The following LETM1 variants were observed in gnomAD, a reference collection of about 807,000 sequenced individuals.
LETM1 encodes the protein leucine zipper and EF-hand containing transmembrane protein 1, also known as mitochondrial proton/calcium exchanger protein.
LETM1 carries 50 observed loss-of-function variants against 74.5 expected under a neutral mutation model. That is an observed-to-expected ratio of 0.67 (90% CI 0.53 to 0.85). The LOEUF (loss-of-function observed/expected upper bound fraction) is 0.85, where lower values mean the gene tolerates loss of function less well. Among genes scored for constraint, LETM1 ranks in the 40% least tolerant of loss-of-function variants. The pLI is 0.00. For missense variants in LETM1, 824 were observed against 967.8 expected, an observed-to-expected ratio of 0.85 and a Z score of 1.97; for synonymous variants, 446 against 407.1, an observed-to-expected ratio of 1.10 and a Z score of -1.15.
In LETM1 at chr4:1,841,710, G is replaced by A. The variant is rs907017607; in HGVS notation, c.231C>T (p.Pro77=). ...CTCTCGACACTATGCGAAGGCACTC[G>A]GGCCTCAGAGCCCAACAGCCGAGGT... ...GDHLGCWALR[P]ECLRIVSRAP... is the part of the protein sequence containing the mutation. Residue 77 remains proline, a synonymous_variant, in exon 3 of 14, where the codon CCC becomes CCT. Coordinates refer to ENST00000302787, the MANE Select transcript of LETM1 (RefSeq NM_012318.3). 6.2e-6 allele frequency: 10 copies of A among 1,614,190 alleles called. No homozygotes were observed. Among genetic ancestry groups the A allele is most frequent in the South Asian group, 2.2e-5 (2 of 91,088 alleles).
chr4:1,849,263 A>G (rs1712988420), intron 1 of LETM1, 54 bp from the exon 2 acceptor site: 1 of 1,307,866 alleles, frequency 7.6e-7, no homozygotes, highest in Non-Finnish European at 1.1e-6. Context: ...ATTTATACTG[A>G]TACCTTTTTT....
Position 1,855,864 on chromosome 4 carries a change from C to A in LETM1, c.82+5G>T. On this transcript the variant is annotated splice_donor_5th_base_variant and intron_variant, in intron 1 of 13. Coordinates refer to ENST00000302787, the MANE Select transcript of LETM1 (RefSeq NM_012318.3). Reference sequence around the variant, plus strand: ...CGGCCCCGCCCTGGGGTGCCCGCCGCTTACCCCGCGGGACGGTGTACCGAG... The same window carrying A: ...CGGCCCCGCCCTGGGGTGCCCGCCGATTACCCCGCGGGACGGTGTACCGAG... 2.4e-6 allele frequency: 3 copies of A among 1,230,032 alleles called. No homozygotes were observed. The highest frequency in any genetic ancestry group is 3.0e-6 in the Non-Finnish European group (3 of 988,026). The allele number at this position is 1,230,032 out of a possible 1,614,324, so 76.2% of individuals were successfully genotyped here.
At chr4:1,845,194 A>AC (rs1234038298) in intron 2 of LETM1, among the ~76,000 whole-genome samples, 1 of 151,834 alleles carries the variant, frequency 6.6e-6, no homozygotes, top group South Asian at 2.1e-4. Flanking sequence ...TGTCCCCCGC[A>AC]CCCCCCGAAA....
intron 3 of LETM1, among the ~76,000 whole-genome samples, chr4:1,840,102 G>C (rs1183545901): frequency 6.6e-6 from 1 of 152,242 alleles, no homozygotes; most frequent in East Asian, 1.9e-4. Context: ...AGGGGGCCAG[G>C]CACAGTGGCC....
intron 1 of LETM1, among the ~76,000 whole-genome samples, chr4:1,855,317 C>T (rs1203856642): frequency 1.3e-5 from 2 of 152,390 alleles, no homozygotes; most frequent in African/African-American, 4.8e-5. Flanking sequence ...GGGCTAAAGC[C>T]ACGCACCCTG....
At chr4:1,821,599 A>G (rs1321325436) in intron 10 of LETM1, among the ~76,000 whole-genome samples, 1 of 152,068 alleles carries the variant, frequency 6.6e-6, no homozygotes, top group African/African-American at 2.4e-5. Context: ...GAGGCAGAAG[A>G]GTTGCTTGAA....
At chr4:1,816,943 TTTGTC>T in intron 11 of LETM1, 29 bp from the exon 12 acceptor site, 1 of 1,596,518 alleles carries the variant, frequency 6.3e-7, no homozygotes, top group South Asian at 1.1e-5. Flanking sequence ...TTGTAAAAAG[TTTGTC>T]TTAAAAGAAA....
chr4:1,828,816 C>G (rs1302147267), intron 6 of LETM1, among the ~76,000 whole-genome samples: 1 of 84,976 alleles, frequency 1.2e-5, no homozygotes, highest in Non-Finnish European at 2.5e-5. Context: ...GGGGGGCTGA[C>G]CCCCCCCACC....
At chr4:1,827,032 T>C (rs1420332435) in intron 6 of LETM1, among the ~76,000 whole-genome samples, 1 of 152,192 alleles carries the variant, frequency 6.6e-6, no homozygotes, top group Non-Finnish European at 1.5e-5. Context: ...CCCCGCTCAC[T>C]GCAGAAGGCG....
chr4:1,816,863 C>G lies in LETM1; in HGVS notation c.1795G>C (p.Val599Leu). ...ELSKTGEEKYVEESKASKRLT... is the reference protein window; with the variant it reads ...ELSKTGEEKYLEESKASKRLT... ...CTCTTGCTGGCTTTAGATTCTTCCA[C>G]GTACTTTTCTTCACCAGTCTTTGAA... The change falls in exon 12 of 14, where the codon GTG becomes CTG. Residue 599 changes from valine to leucine, a missense_variant. Physicochemically the swap from Val to Leu is conservative, Grantham distance 32. This residue lies in a region of LETM1 where 161 missense variants were observed against 252.7 expected (regional missense o/e 0.64). Coordinates refer to ENST00000302787, the MANE Select transcript of LETM1 (RefSeq NM_012318.3). 6.2e-7 allele frequency: 1 copy of G among 1,613,952 alleles called. No individual in the cohort carries two copies. Among genetic ancestry groups the G allele is most frequent in the Non-Finnish European group, 8.5e-7 (1 of 1,179,812 alleles).
rs1712463493 is a variant in LETM1 at position 1,836,396 on chromosome 4, T to C, written c.738+33A>G. On this transcript the variant is annotated intron_variant, in intron 4 of 13. Coordinates refer to ENST00000302787, the MANE Select transcript of LETM1 (RefSeq NM_012318.3). The surrounding 1 kb of genome is among the most constrained non-coding windows in gnomAD (Gnocchi z 5.8). ...GCCATCACAATGAATTTCAGACTCA[T>C]TCTAAAACAAGCAGTTGGGATGCTG... is the stretch of plus-strand genomic sequence containing the variant. 6.2e-7 allele frequency: 1 copy of C among 1,610,414 alleles called. No homozygotes were observed.
chr4:1,816,690 T>G (rs1393073966), intron 12 of LETM1, 37 bp downstream of exon 12: 1 of 1,593,688 alleles, frequency 6.3e-7, no homozygotes, highest in Admixed American at 1.7e-5. Context: ...CCTATGTGAG[T>G]CTCCGATCCC....
chr4:1,819,308 C>T (rs1428348245), intron 11 of LETM1, 30 bp downstream of exon 11: 4 of 1,585,156 alleles, frequency 2.5e-6, no homozygotes, highest in Non-Finnish European at 3.4e-6. Context: ...TTCTTGCAGT[C>T]TCAGAGTCCA....
chr4:1,827,630 C>G (rs1712045238), intron 6 of LETM1, among the ~76,000 whole-genome samples: 1 of 133,672 alleles, frequency 7.5e-6, no homozygotes, highest in Admixed American at 7.7e-5. Flanking sequence ...AACAGGATCC[C>G]AAGGCAGAGG....
At chr4:1,846,534 G>T (rs1712888516) in intron 2 of LETM1, 2 of 152,100 alleles carry the variant, frequency 1.3e-5, no homozygotes, top group South Asian at 4.2e-4. Flanking sequence ...AAAAGTGTTG[G>T]GATTACAGGT....
intron 2 of LETM1, among the ~76,000 whole-genome samples, chr4:1,848,449 G>A (rs1196529310): frequency 6.6e-6 from 1 of 151,784 alleles, no homozygotes; most frequent in Non-Finnish European, 1.5e-5. Context: ...TTGGGAGGCT[G>A]AGGCAGGAGG....
chr4:1,839,609 C>T (rs974185211), intron 3 of LETM1, among the ~76,000 whole-genome samples: 2 of 152,214 alleles, frequency 1.3e-5, no homozygotes, highest in Non-Finnish European at 2.9e-5. Context: ...GCCCTTGTTA[C>T]AGTCTTGTGA....
intron 8 of LETM1, among the ~76,000 whole-genome samples, chr4:1,823,418 G>A (rs923657494): frequency 3.3e-5 from 5 of 152,172 alleles, no homozygotes; most frequent in South Asian, 4.1e-4. Context: ...TGGCCAGGTC[G>A]GGACCACTGG....
chr4:1,839,219 G>A (rs1712599852), intron 3 of LETM1: 2 of 152,228 alleles, frequency 1.3e-5, no homozygotes, highest in South Asian at 4.1e-4. Flanking sequence ...GCACTGGTGA[G>A]CGAGCAGGTT....
Sources: allele counts gnomAD v4.1 joint callset (sites outside exome capture counted in the v4.1 genomes callset), GRCh38; gene constraint gnomAD v4.1.1; regional missense constraint gnomAD v4.1.1; non-coding constraint Gnocchi (gnomAD v3.1); transcripts MANE v1.5; gene names NCBI Gene and HGNC (gene_info 2026-07-23, HGNC 2026-07-21).